Variants in TRDN observed in about 807,000 individuals in gnomAD.
TRDN encodes the protein triadin in skeletal muscle.
TRDN carries 161 observed loss-of-function variants against 149.7 expected under a neutral mutation model. The observed-to-expected ratio is 1.08, with a 90% CI of 0.95 to 1.23. TRDN has a LOEUF of 1.23. Ranked by LOEUF, TRDN falls within the 50% of genes most tolerant of loss-of-function variation. TRDN has a pLI of 0.00. For missense variants in TRDN, 896 were observed against 823.5 expected (o/e 1.09, Z -1.08); for synonymous variants, 294 against 250.5 (o/e 1.17, Z -1.64).
chr6:123,587,941 C>A (rs531784465), intron 1 of TRDN, among the ~76,000 whole-genome samples: 1 of 152,072 alleles, frequency 6.6e-6, no homozygotes, highest in African/African-American at 2.4e-5. Context: ...CAGGAACTGT[C>A]GATCTGGATG....
chr6:123,623,134 G>A (rs1233278945), intron 1 of TRDN, among the ~76,000 whole-genome samples: 1 of 151,896 alleles, frequency 6.6e-6, no homozygotes, highest in Non-Finnish European at 1.5e-5. Context: ...CATTTAGTTT[G>A]TGAATCTTTT....
At chr6:123,298,674 T>C (rs1483565598) in intron 24 of TRDN, among the ~76,000 whole-genome samples, 1 of 151,998 alleles carries the variant, frequency 6.6e-6, no homozygotes, top group Non-Finnish European at 1.5e-5. Flanking sequence ...CCATATAAAA[T>C]GGGGAATTTA....
intron 21 of TRDN, among the ~76,000 whole-genome samples, chr6:123,344,093 C>T (rs369966448): frequency 6.6e-6 from 1 of 152,072 alleles, no homozygotes; most frequent in South Asian, 2.1e-4. Flanking sequence ...TGATTTTAGG[C>T]TTCCAGCCTC....
At chr6:123,473,639 T>C (rs1347942234) in intron 9 of TRDN, among the ~76,000 whole-genome samples, 2 of 150,994 alleles carry the variant, frequency 1.3e-5, no homozygotes, top group African/African-American at 4.9e-5. Flanking sequence ...AGACACATAA[T>C]TGTCAGATTC....
intron 24 of TRDN, among the ~76,000 whole-genome samples, chr6:123,304,425 T>C (rs1778536757): frequency 6.6e-6 from 1 of 151,752 alleles, no homozygotes; most frequent in South Asian, 2.1e-4. Flanking sequence ...GCTAATTTTT[T>C]TGTATTTTAG....
In TRDN at chr6:123,278,341, T is replaced by C. The variant is rs368908577; in HGVS notation, c.1544A>G (p.Gln515Arg). 1.5e-6 allele frequency: 2 copies of C among 1,294,088 alleles called. No homozygotes were observed. The highest frequency in any genetic ancestry group is 1.5e-5 in the African/African-American group (1 of 66,006). 80.2% of individuals were successfully genotyped at this position (1,294,088 alleles called of 1,614,324 possible). The change falls in exon 26 of 41, where the codon CAA becomes CGA. Residue 515 changes from glutamine to arginine, a missense_variant. Physicochemically the swap from Gln to Arg is conservative, Grantham distance 43. Transcript: ENST00000334268. ...KEVKPKPPQL[Q>R]GKKEEKPEPQ... is the part of the protein sequence containing the mutation. ...ACCTGGCTTCTCTTCCTTTTTTCCT[T>C]GTAGTTCTAAAAATATAGATGAACA... is the stretch of plus-strand genomic sequence containing the variant.
chr6:123,289,617 G>T (rs944768410), intron 24 of TRDN, among the ~76,000 whole-genome samples: 1 of 152,110 alleles, frequency 6.6e-6, no homozygotes, highest in South Asian at 2.1e-4. Flanking sequence ...CCTTTCCATG[G>T]CAATGTCCTA....
chr6:123,585,166 G>T (rs575067682), intron 1 of TRDN, among the ~76,000 whole-genome samples: 1 of 149,788 alleles, frequency 6.7e-6, no homozygotes, highest in East Asian at 2.0e-4. Flanking sequence ...AGAGGAGCAC[G>T]CAAAGGAGGC....
chr6:123,408,518 A>T (rs951814952), intron 12 of TRDN, among the ~76,000 whole-genome samples: 4 of 151,978 alleles, frequency 2.6e-5, no homozygotes, highest in Admixed American at 2.6e-4. Context: ...TCTCTACTAA[A>T]AATACAAAAA....
intron 24 of TRDN, among the ~76,000 whole-genome samples, chr6:123,280,003 C>T (rs971992551): frequency 6.6e-6 from 1 of 152,122 alleles, no homozygotes; most frequent in Non-Finnish European, 1.5e-5. Context: ...CAACAAAGAA[C>T]AGTGATACTT....
At chr6:123,526,262 T>C (rs1779943496) in intron 5 of TRDN, among the ~76,000 whole-genome samples, 4 of 151,956 alleles carry the variant, frequency 2.6e-5, no homozygotes, top group Admixed American at 6.6e-5. Flanking sequence ...GCACACAGAC[T>C]GATGGGAAGA....
At chr6:123,490,967 A>G (rs750773306) in intron 9 of TRDN, among the ~76,000 whole-genome samples, 2 of 152,000 alleles carry the variant, frequency 1.3e-5, no homozygotes, top group African/African-American at 2.4e-5. Context: ...TTAGATGGGC[A>G]CGGTGGCGTG....
At chr6:123,392,267 C>A (rs1454882713) in intron 13 of TRDN, among the ~76,000 whole-genome samples, 1 of 152,020 alleles carries the variant, frequency 6.6e-6, no homozygotes, top group Non-Finnish European at 1.5e-5. Flanking sequence ...GAGCCCATGG[C>A]CTCAAGCTCA....
chr6:123,521,746 A>T (rs1049895335), intron 5 of TRDN, among the ~76,000 whole-genome samples: 3 of 152,110 alleles, frequency 2.0e-5, no homozygotes, highest in Non-Finnish European at 4.4e-5. Context: ...TTCAGAGTCC[A>T]CACCTGAACC....
At chr6:123,582,867 G>C (rs1236953553) in intron 1 of TRDN, among the ~76,000 whole-genome samples, 1 of 152,006 alleles carries the variant, frequency 6.6e-6, no homozygotes, top group East Asian at 1.9e-4. Flanking sequence ...TGGGATTGGG[G>C]GGGCGTGGGA....
intron 24 of TRDN, among the ~76,000 whole-genome samples, chr6:123,296,369 C>T (rs1281108891): frequency 6.6e-6 from 1 of 152,090 alleles, no homozygotes; most frequent in African/African-American, 2.4e-5. Context: ...AATATCTAAA[C>T]TTTCTACCAC....
At chr6:123,354,003 G>A (rs1042828494) in intron 20 of TRDN, among the ~76,000 whole-genome samples, 1 of 151,734 alleles carries the variant, frequency 6.6e-6, no homozygotes, top group Non-Finnish European at 1.5e-5. Flanking sequence ...TTAGGGTTAG[G>A]ACAGTGGGAA....
chr6:123,229,386 A>G (rs531630647), intron 38 of TRDN, among the ~76,000 whole-genome samples: 42 of 152,128 alleles, frequency 2.8e-4, no homozygotes, highest in African/African-American at 9.9e-4. Flanking sequence ...TTTCTGGTTA[A>G]CTGAAGGACT....
At chr6:123,347,241 CGTACTG>C (rs1780289518) in intron 21 of TRDN, among the ~76,000 whole-genome samples, 1 of 151,998 alleles carries the variant, frequency 6.6e-6, no homozygotes, top group African/African-American at 2.4e-5. Flanking sequence ...GAATATAGTA[CGTACTG>C]AAAAACTGAC....
Sources: gnomAD v4.1 joint callset for allele counts (sites outside exome capture counted in the v4.1 genomes callset) on GRCh38, gnomAD v4.1.1 for gene constraint, MANE v1.5 for transcripts, NCBI Gene and HGNC (gene_info 2026-07-23, HGNC 2026-07-21) for gene names.